DNAJA3: variants seen among roughly 807,000 people sequenced by gnomAD.
The protein encoded by DNAJA3 is DnaJ heat shock protein family (Hsp40) member A3.
A neutral mutation model predicts 54.9 loss-of-function variants in DNAJA3; 29 were observed. The observed-to-expected ratio is 0.53, with a 90% CI of 0.39 to 0.72. The LOEUF (loss-of-function observed/expected upper bound fraction) is 0.72, where lower values mean the gene tolerates loss of function less well. Ranked by LOEUF, DNAJA3 falls within the 30% of genes least tolerant of loss-of-function variation. The probability of loss-of-function intolerance (pLI) is 0.00; values close to 1 mark genes in which losing one functional copy is unlikely to be tolerated. For missense variants in DNAJA3, 708 were observed against 639.4 expected, an observed-to-expected ratio of 1.11 and a Z score of -1.16; for synonymous variants, 302 against 251.4, an observed-to-expected ratio of 1.20 and a Z score of -1.90.
chr16:4,438,088 A>T (rs997294438), intron 3 of DNAJA3, among the ~76,000 whole-genome samples: 2 of 152,188 alleles, frequency 1.3e-5, no homozygotes, highest in Non-Finnish European at 2.9e-5. Context: ...AGGCCGAGGC[A>T]GGTGGATCAC....
At chr16:4,436,616 A>G (rs1188731716) in intron 2 of DNAJA3, among the ~76,000 whole-genome samples, 1 of 152,036 alleles carries the variant, frequency 6.6e-6, no homozygotes, top group African/African-American at 2.4e-5. Flanking sequence ...GCTCACTGCA[A>G]CCTCTGTCTC....
intron 6 of DNAJA3, among the ~76,000 whole-genome samples, 179 bp downstream of exon 6, chr16:4,443,343 C>T (rs908874889): frequency 2.0e-5 from 3 of 152,064 alleles, no homozygotes; most frequent in African/African-American, 7.2e-5. Flanking sequence ...CTGGAGTCTC[C>T]TTGAATCTTT....
intron 1 of DNAJA3, among the ~76,000 whole-genome samples, chr16:4,429,908 T>G (rs1053896350): frequency 1.3e-5 from 2 of 150,488 alleles, no homozygotes; most frequent in African/African-American, 4.9e-5. Context: ...GAGGTGGGAG[T>G]TTCACTTGAG....
chr16:4,447,629 G>A lies in DNAJA3; in HGVS notation c.1125+615G>A, dbSNP rs116981110. The A allele has an allele frequency of 9.9e-3, 1,509 of 152,796 alleles. 17 individuals carry two copies. Among genetic ancestry groups the A allele is most frequent in the Non-Finnish European group, 0.016 (1,086 of 68,434 alleles). The allele number at this position is 152,796 out of a possible 1,614,324, so 9.5% of individuals were successfully genotyped here. On this transcript the variant is annotated intron_variant, in intron 8 of 11. Coordinates refer to ENST00000262375, the MANE Select transcript of DNAJA3 (RefSeq NM_005147.6). ...GTCCTGTGGTTCCAAGGGCCAGGGA[G>A]CGACCTCAGCCACGCACCCTGTATT...
intron 6 of DNAJA3, among the ~76,000 whole-genome samples, chr16:4,444,325 CT>C (rs1326082048): frequency 6.7e-6 from 1 of 148,930 alleles, no homozygotes; most frequent in East Asian, 2.0e-4. Context: ...TGCTCCCTTT[CT>C]TTTTTTTCTT....
chr16:4,446,793 G>T, intron 7 of DNAJA3, 93 bp from the exon 8 acceptor site: 2 of 1,509,510 alleles, frequency 1.3e-6, no homozygotes, highest in Admixed American at 1.9e-5. Context: ...TGTGTAGTTT[G>T]TCAGGTCTGA....
intron 7 of DNAJA3, 25 bp from the exon 8 acceptor site, chr16:4,446,861 A>G (rs1316188472): frequency 1.2e-6 from 2 of 1,612,694 alleles, no homozygotes; most frequent in Non-Finnish European, 1.7e-6. Flanking sequence ...TTATCTTCAC[A>G]TGCATCTGTC....
chr16:4,443,181 G>A lies in DNAJA3; in HGVS notation c.931+17G>A, dbSNP rs747225664. The A allele has an allele frequency of 3.1e-6, 5 of 1,613,022 alleles. No homozygotes were observed. Among genetic ancestry groups the A allele is most frequent in the Middle Eastern group, 1.7e-4 (1 of 5,910 alleles). On this transcript the variant is annotated intron_variant, in intron 6 of 11. Transcript: ENST00000262375. Reference sequence around the variant, plus strand: ...TGCCTGCAGGTGGGTGCTTGGGCCCGCCATGTCCAGGAGCTTGGAGAGGGC... The same window carrying A: ...TGCCTGCAGGTGGGTGCTTGGGCCCACCATGTCCAGGAGCTTGGAGAGGGC...
At position 4,450,785 on chromosome 16, in the gene DNAJA3, A is replaced by T. The variant is rs552570128; in HGVS notation, c.1339+288A>T. Among the ~76,000 whole-genome samples the T allele has an allele frequency of 3.3e-5, 5 of 152,258 alleles. No individual in the cohort carries two copies. The South Asian group carries it at 1.0e-3, about 32-fold the overall frequency. ...TCTCAGACCCAGTGTTCTGAGTTCT[A>T]TTCTTGGTTCTGCCACTTGCCCTGT... On this transcript the variant is annotated intron_variant, in intron 10 of 11. Transcript: ENST00000262375.
Position 4,441,536 on chromosome 16 carries a change from A to G in DNAJA3, c.591A>G (p.Ser197=), listed in dbSNP as rs1260252929. The change falls in exon 4 of 12, where the codon TCA becomes TCG. Residue 197 remains serine (S), a synonymous_variant. Transcript: ENST00000262375. ...RKIFGEFSSS[S]FGDFQTVFDQ... is the part of the protein sequence containing the mutation. ...TCTTTGGCGAGTTCTCATCCTCTTC[A>G]TTTGGAGATTTCCAGACCGTGTTTG... 4 of 1,614,034 alleles carry G rather than the reference A, an allele frequency of 2.5e-6. No individual in the cohort carries two copies. Among genetic ancestry groups the G allele is most frequent in the Non-Finnish European group, 3.4e-6 (4 of 1,180,054 alleles).
At chr16:4,450,080 G>A (rs184957319) in intron 9 of DNAJA3, 35 of 233,510 alleles carry the variant, frequency 1.5e-4, no homozygotes, top group Non-Finnish European at 2.2e-4. Flanking sequence ...GAGCCACTGC[G>A]CCTGGCCTAA....
chr16:4,450,655 G>A (rs926896998), intron 10 of DNAJA3, among the ~76,000 whole-genome samples, 158 bp downstream of exon 10: 3 of 152,216 alleles, frequency 2.0e-5, no homozygotes, highest in African/African-American at 7.2e-5. Context: ...GGGGACAGCG[G>A]GCAGGGAGCC....
At chr16:4,451,896 TAAAAAAA>T (rs368431722) in intron 10 of DNAJA3, among the ~76,000 whole-genome samples, 1 of 138,846 alleles carries the variant, frequency 7.2e-6, no homozygotes. Context: ...CTGTCTCTAC[TAAAAAAA>T]AAAAAAAAAT....
At chr16:4,441,285 T>C in intron 3 of DNAJA3, 90 bp from the exon 4 acceptor site, 1 of 1,258,396 alleles carries the variant, frequency 7.9e-7, no homozygotes, top group Non-Finnish European at 1.1e-6. Flanking sequence ...TTAATAAATG[T>C]TATGGCTGCC....
chr16:4,455,917 C>T lies in DNAJA3; in HGVS notation c.*385C>T. ...AGCTTAGAAATGAAGCCTTAAGCTGCATCAAGTTACGAAGTGATTAATTTC... is the reference window on the plus strand; with the variant it reads ...AGCTTAGAAATGAAGCCTTAAGCTGTATCAAGTTACGAAGTGATTAATTTC... On this transcript the variant is annotated 3_prime_UTR_variant, in exon 12 of 12. Coordinates refer to ENST00000262375, the MANE Select transcript of DNAJA3 (RefSeq NM_005147.6). 2.6e-6 allele frequency: 1 copy of T among 388,430 alleles called. No homozygotes were observed. The highest frequency in any genetic ancestry group is 4.7e-6 in the Non-Finnish European group (1 of 213,340). The allele number at this position is 388,430 out of a possible 1,614,324, so 24.1% of individuals were successfully genotyped here.
chr16:4,427,982 C>G (rs545226833), intron 1 of DNAJA3, among the ~76,000 whole-genome samples: 1 of 151,366 alleles, frequency 6.6e-6, no homozygotes, highest in African/African-American at 2.4e-5. Flanking sequence ...GACGGAGTCT[C>G]GCTGTGTTGC....
intron 11 of DNAJA3, among the ~76,000 whole-genome samples, chr16:4,455,182 T>C (rs2057021369): frequency 6.6e-6 from 1 of 151,942 alleles, no homozygotes; most frequent in Admixed American, 6.6e-5. Flanking sequence ...CCTGGGGAGG[T>C]GGCGATGCTG....
At chr16:4,434,149 C>G (rs932346927) in intron 1 of DNAJA3, 9 of 497,154 alleles carry the variant, frequency 1.8e-5, no homozygotes, top group Middle Eastern at 5.5e-4. Flanking sequence ...CTTACTATCG[C>G]GAGACCAGCA....
At chr16:4,445,863 G>C (rs547582984) in intron 7 of DNAJA3, among the ~76,000 whole-genome samples, 2 of 151,376 alleles carry the variant, frequency 1.3e-5, no homozygotes, top group East Asian at 2.0e-4. Context: ...GTGATATTTT[G>C]TTACCTCCAC....
Sources: gnomAD v4.1 joint callset for allele counts (sites outside exome capture counted in the v4.1 genomes callset) on GRCh38, gnomAD v4.1.1 for gene constraint, MANE v1.5 for transcripts, NCBI Gene and HGNC (gene_info 2026-07-23, HGNC 2026-07-21) for gene names.